DLG2: variants seen among roughly 807,000 people sequenced by gnomAD.
The protein encoded by DLG2 is disks large homolog 2.
A neutral mutation model predicts 132.5 loss-of-function variants in DLG2; 45 were observed. The observed-to-expected ratio is 0.34, with a 90% CI of 0.27 to 0.44. The LOEUF (loss-of-function observed/expected upper bound fraction) is 0.44. Among genes scored for constraint, DLG2 ranks in the 20% least tolerant of loss-of-function variants. The probability of loss-of-function intolerance (pLI) is 1.00; values close to 1 mark genes in which losing one functional copy is unlikely to be tolerated. For synonymous variants in DLG2, 424 were observed against 419.6 expected (o/e 1.01, Z -0.13); for missense variants, 1,045 against 1,196.9 (o/e 0.87, Z 1.87).
chr11:84,393,050 G>T (rs1345113453), intron 7 of DLG2, among the ~76,000 whole-genome samples: 3 of 152,036 alleles, frequency 2.0e-5, no homozygotes, highest in Admixed American at 6.6e-5. Flanking sequence ...TTAAATTTTT[G>T]GTAAATAACT....
At chr11:83,750,777 T>G (rs1007330052) in intron 18 of DLG2, among the ~76,000 whole-genome samples, 6 of 152,182 alleles carry the variant, frequency 3.9e-5, no homozygotes, top group African/African-American at 1.4e-4. Flanking sequence ...AATATGATTA[T>G]TTTTTCAATA....
At chr11:84,545,498 T>C (rs1427163559) in intron 6 of DLG2, 7 of 402,814 alleles carry the variant, frequency 1.7e-5, no homozygotes, top group Non-Finnish European at 3.4e-5. Flanking sequence ...CAGAACTACT[T>C]TGGCTTCTTT....
rs544518708 is a variant in DLG2, at chr11:85,054,262, TA to T, written c.357+57398del. Among the ~76,000 whole-genome samples, 822 of 124,062 alleles carry T rather than the reference TA, an allele frequency of 6.6e-3. 1 individual carries two copies. Among genetic ancestry groups the T allele is most frequent in the Non-Finnish European group, 7.7e-3 (452 of 58,384 alleles). The allele number at this position is 124,062 out of a possible 152,430, so 81.4% of individuals were successfully genotyped here. A position where few individuals can be genotyped will look rare whatever the true frequency, so the allele number is the denominator to read the frequency against. On this transcript the variant is annotated intron_variant, in intron 6 of 27. Transcript: ENST00000376104. ...CCTGGCGACAGAACGAGATTCCACC[TA>T]AAAAAAAAAAAAAGAAAGAAAAGAA...
intron 6 of DLG2, among the ~76,000 whole-genome samples, chr11:84,925,714 CAAGT>C (rs971297501): frequency 6.6e-6 from 1 of 152,120 alleles, no homozygotes; most frequent in African/African-American, 2.4e-5. Flanking sequence ...TTCCATACTG[CAAGT>C]GAGTAGTCCT....
chr11:84,412,927 A>G (rs1464751192), intron 7 of DLG2, among the ~76,000 whole-genome samples: 1 of 152,186 alleles, frequency 6.6e-6, no homozygotes, highest in African/African-American at 2.4e-5. Context: ...TGAAAACCCA[A>G]TGGAAAATTC....
At chr11:85,559,916 G>A (rs1479531634) in intron 3 of DLG2, among the ~76,000 whole-genome samples, 1 of 151,602 alleles carries the variant, frequency 6.6e-6, no homozygotes, top group Non-Finnish European at 1.5e-5. Flanking sequence ...AATATCAAAA[G>A]TGGAATGAAG....
chr11:85,470,499 G>A (rs1269219537), intron 3 of DLG2, among the ~76,000 whole-genome samples: 3 of 152,138 alleles, frequency 2.0e-5, no homozygotes, highest in Non-Finnish European at 2.9e-5. Flanking sequence ...AAGGCAGGTG[G>A]ATCACTTGAG....
intron 11 of DLG2, among the ~76,000 whole-genome samples, chr11:84,024,285 G>A (rs2095480815): frequency 6.6e-6 from 1 of 152,088 alleles, no homozygotes. Context: ...CTAACTAAAG[G>A]TCCTTATCAT....
At chr11:83,511,030 A>C (rs2094987632) in intron 21 of DLG2, among the ~76,000 whole-genome samples, 1 of 88,290 alleles carries the variant, frequency 1.1e-5, no homozygotes, top group South Asian at 3.7e-4. Flanking sequence ...CTACGTTTTG[A>C]GAAAAAAAAA....
intron 15 of DLG2, among the ~76,000 whole-genome samples, chr11:83,922,902 C>T (rs2078218622): frequency 6.6e-6 from 1 of 152,114 alleles, no homozygotes; most frequent in Non-Finnish European, 1.5e-5. Flanking sequence ...ATTATTTTGT[C>T]CACACTCCTG....
intron 4 of DLG2, among the ~76,000 whole-genome samples, chr11:85,225,786 C>T (rs1421832582): frequency 6.6e-6 from 1 of 152,118 alleles, no homozygotes; most frequent in Non-Finnish European, 1.5e-5. Flanking sequence ...TTCAGCATCA[C>T]CTCTAAATTT....
intron 19 of DLG2, among the ~76,000 whole-genome samples, chr11:83,565,545 A>G (rs112573693): frequency 0.01 from 1,526 of 150,530 alleles, 21 homozygotes; most frequent in African/African-American, 0.036. Flanking sequence ...AGAAATTTCT[A>G]TTCAGTGCAG....
At chr11:83,480,605 G>A (rs547452683) in intron 22 of DLG2, 25 of 1,556,374 alleles carry the variant, frequency 1.6e-5, no homozygotes, top group South Asian at 4.7e-5. Flanking sequence ...ACAGGAACCC[G>A]CTGCTTGATT....
chr11:85,248,471 C>G (rs779886545), intron 4 of DLG2, among the ~76,000 whole-genome samples: 5 of 151,764 alleles, frequency 3.3e-5, no homozygotes, highest in African/African-American at 4.8e-5. Flanking sequence ...AGATTTGCTT[C>G]AAAGTCAAAA....
intron 23 of DLG2, among the ~76,000 whole-genome samples, 180 bp downstream of exon 23, chr11:83,472,547 G>C (rs2092177258): frequency 6.6e-6 from 1 of 152,128 alleles, no homozygotes; most frequent in Non-Finnish European, 1.5e-5. Context: ...GAAGTTGTCT[G>C]TTTGGTGATA....
At chr11:84,122,601 G>C (rs372913597) in intron 9 of DLG2, among the ~76,000 whole-genome samples, 17 of 152,234 alleles carry the variant, frequency 1.1e-4, no homozygotes, top group Non-Finnish European at 2.9e-5. Context: ...AAAAGTTGTC[G>C]GGCTGTGTTT....
chr11:84,708,125 A>G (rs1239877331), intron 6 of DLG2, among the ~76,000 whole-genome samples: 2 of 151,784 alleles, frequency 1.3e-5, no homozygotes, highest in Admixed American at 6.6e-5. Flanking sequence ...CATCTGAAAA[A>G]TATTATGGAG....
intron 7 of DLG2, among the ~76,000 whole-genome samples, chr11:84,346,443 A>C (rs2098539641): frequency 1.3e-5 from 2 of 152,206 alleles, no homozygotes; most frequent in Non-Finnish European, 2.9e-5. Flanking sequence ...GGTAAGCGTA[A>C]ATCTTGAGAA....
intron 6 of DLG2, among the ~76,000 whole-genome samples, chr11:84,617,229 G>T (rs1172705518): frequency 6.6e-6 from 1 of 151,490 alleles, no homozygotes; most frequent in Non-Finnish European, 1.5e-5. Context: ...GTGAGGACAT[G>T]CAGTATTTGG....
Sources: gnomAD v4.1 joint callset for allele counts (sites outside exome capture counted in the v4.1 genomes callset) on GRCh38, gnomAD v4.1.1 for gene constraint, MANE v1.5 for transcripts, NCBI Gene and HGNC (gene_info 2026-07-23, HGNC 2026-07-21) for gene names.